CPNE4: variants seen among roughly 807,000 people sequenced by gnomAD.
The protein encoded by CPNE4 is copine-4.
A neutral mutation model predicts 67.9 loss-of-function variants in CPNE4; 25 were observed. The observed-to-expected ratio is 0.37, with a 90% CI of 0.27 to 0.51. The LOEUF (loss-of-function observed/expected upper bound fraction) is 0.51, where lower values mean the gene tolerates loss of function less well. Ranked by LOEUF, CPNE4 falls within the 20% of genes least tolerant of loss-of-function variation. CPNE4 has a pLI of 0.93. For missense variants in CPNE4, 464 were observed against 690.8 expected (o/e 0.67, Z 3.68); for synonymous variants, 242 against 244.9 (o/e 0.99, Z 0.11).
At chr3:131,732,145 C>T (rs2082142209) in intron 2 of CPNE4, among the ~76,000 whole-genome samples, 1 of 152,132 alleles carries the variant, frequency 6.6e-6, no homozygotes, top group African/African-American at 2.4e-5. Context: ...ATACCACACC[C>T]CAACCTCTGG....
At chr3:131,927,787 T>C (rs2070939588) in intron 1 of CPNE4, among the ~76,000 whole-genome samples, 1 of 152,220 alleles carries the variant, frequency 6.6e-6, no homozygotes, top group Non-Finnish European at 1.5e-5. Context: ...ATCGCCACCA[T>C]GGTTTTCTGG....
At chr3:131,996,252 C>G (rs1273280789) in intron 1 of CPNE4, among the ~76,000 whole-genome samples, 1 of 151,998 alleles carries the variant, frequency 6.6e-6, no homozygotes, top group Non-Finnish European at 1.5e-5. Context: ...AGGTTGGATG[C>G]CTTGGGTAAT....
intron 2 of CPNE4, among the ~76,000 whole-genome samples, chr3:131,855,891 TAATATAA>T (rs1389568580): frequency 6.6e-6 from 1 of 151,994 alleles, no homozygotes; most frequent in African/African-American, 2.4e-5. Context: ...AATATTGAGT[TAATATAA>T]AATAAAATTT....
At chr3:131,906,530 A>G (rs1408523429) in intron 1 of CPNE4, among the ~76,000 whole-genome samples, 8 of 150,718 alleles carry the variant, frequency 5.3e-5, no homozygotes, top group African/African-American at 1.7e-4. Context: ...GCGATAGTTT[A>G]CTGAGAATGA....
chr3:131,802,902 C>T (rs2084182000), intron 2 of CPNE4, among the ~76,000 whole-genome samples: 2 of 152,090 alleles, frequency 1.3e-5, no homozygotes, highest in Non-Finnish European at 2.9e-5. Flanking sequence ...GTCAGCAACC[C>T]ACAGAGACAA....
At chr3:131,558,230 A>C (rs1936572642) in intron 11 of CPNE4, among the ~76,000 whole-genome samples, 1 of 152,048 alleles carries the variant, frequency 6.6e-6, no homozygotes, top group Non-Finnish European at 1.5e-5. Flanking sequence ...CACACTAAAG[A>C]AAAAGTTTTA....
At chr3:131,883,999 T>C (rs969724170) in intron 2 of CPNE4, among the ~76,000 whole-genome samples, 1 of 152,222 alleles carries the variant, frequency 6.6e-6, no homozygotes, top group African/African-American at 2.4e-5. Context: ...TGGTCATAAT[T>C]TTTAAACAAG....
At chr3:132,011,078 G>C (rs747137720) in intron 1 of CPNE4, among the ~76,000 whole-genome samples, 1 of 152,158 alleles carries the variant, frequency 6.6e-6, no homozygotes, top group Admixed American at 6.5e-5. Flanking sequence ...GCTCAGAAAC[G>C]GGAAGGGATA....
At chr3:131,541,231 A>G (rs1582753118) in intron 15 of CPNE4, among the ~76,000 whole-genome samples, 1 of 152,230 alleles carries the variant, frequency 6.6e-6, no homozygotes, top group Non-Finnish European at 1.5e-5. Context: ...CAGGACTACC[A>G]TTAGCCCCAA....
In CPNE4 at chr3:131,535,140, T is replaced by A. The variant is rs1033555100; in HGVS notation, c.*55A>T. ...GTACAGGAGTAGTAGAAGTATTAAA[T>A]ATGAAATATTAGCAGGAATAGTATT... On this transcript the variant is annotated 3_prime_UTR_variant, in exon 16 of 16. Transcript: ENST00000429747. 1 of 1,508,700 alleles carries A rather than the reference T, an allele frequency of 6.6e-7. No individual in the cohort carries two copies. The allele number at this position is 1,508,700 out of a possible 1,614,324, so 93.5% of individuals were successfully genotyped here.
At chr3:131,655,942 A>G (rs1381101777) in intron 7 of CPNE4, among the ~76,000 whole-genome samples, 2 of 152,178 alleles carry the variant, frequency 1.3e-5, no homozygotes, top group African/African-American at 4.8e-5. Context: ...AGGACCTGAC[A>G]TTTAGAAAAT....
At chr3:131,717,891 TTTCTTTC>T (rs1560173044) in intron 3 of CPNE4, among the ~76,000 whole-genome samples, 1 of 74,944 alleles carries the variant, frequency 1.3e-5, no homozygotes, top group African/African-American at 3.9e-5. Flanking sequence ...TCTTTCTTTC[TTTCTTTC>T]TTTCTTTCTT....
chr3:131,756,155 A>G (rs79852514), intron 2 of CPNE4, among the ~76,000 whole-genome samples: 178 of 152,330 alleles, frequency 1.2e-3, no homozygotes, highest in Middle Eastern at 6.8e-3. Flanking sequence ...GCCAAACTCA[A>G]GAAGTCTTAA....
At chr3:132,008,783 TATTC>T (rs2073671066) in intron 1 of CPNE4, among the ~76,000 whole-genome samples, 1 of 152,258 alleles carries the variant, frequency 6.6e-6, no homozygotes, top group South Asian at 2.1e-4. Flanking sequence ...CCCATAAAAA[TATTC>T]ATTATCAATA....
chr3:131,721,752 A>G (rs2081894319), intron 3 of CPNE4, among the ~76,000 whole-genome samples: 1 of 152,176 alleles, frequency 6.6e-6, no homozygotes, highest in Non-Finnish European at 1.5e-5. Context: ...AGGGATGCCC[A>G]TTGTTTAAGG....
Position 131,582,681 on chromosome 3 carries a change from A to G in CPNE4, c.781-1016T>C, listed in dbSNP as rs1288193765. 3.9e-5 allele frequency among the ~76,000 whole-genome samples: 6 copies of G among 152,198 alleles called. No homozygotes were observed. The East Asian group carries it at 5.8e-4, about 15-fold the overall frequency. Reference sequence around the variant, plus strand: ...CCAATGGGACATTAGGAAATGTGATATAAGCAGAGGCTTGAAAAGCGCCTG... The same window carrying G: ...CCAATGGGACATTAGGAAATGTGATGTAAGCAGAGGCTTGAAAAGCGCCTG... On this transcript the variant is annotated intron_variant, in intron 8 of 15. Transcript: ENST00000429747.
At chr3:131,849,442 T>C (rs2086145753) in intron 2 of CPNE4, among the ~76,000 whole-genome samples, 1 of 151,872 alleles carries the variant, frequency 6.6e-6, no homozygotes, top group South Asian at 2.1e-4. Context: ...ACGGGAAGAA[T>C]AGAGAGAAGG....
intron 2 of CPNE4, among the ~76,000 whole-genome samples, chr3:131,796,583 G>A (rs986720284): frequency 3.9e-5 from 6 of 152,186 alleles, no homozygotes; most frequent in Non-Finnish European, 7.3e-5. Context: ...ACTAGAATAA[G>A]TCACTGCCAC....
intron 1 of CPNE4, among the ~76,000 whole-genome samples, chr3:131,975,345 C>T (rs941549650): frequency 2.6e-4 from 39 of 152,248 alleles, no homozygotes; most frequent in Admixed American, 5.9e-4. Flanking sequence ...AGAAAAACCC[C>T]GGTTGGCAAC....
Sources: gnomAD v4.1 joint callset for allele counts (sites outside exome capture counted in the v4.1 genomes callset) on GRCh38, gnomAD v4.1.1 for gene constraint, MANE v1.5 for transcripts, NCBI Gene and HGNC (gene_info 2026-07-23, HGNC 2026-07-21) for gene names.